KCNIP4: variants seen among roughly 807,000 people sequenced by gnomAD.
The protein encoded by KCNIP4 is Kv channel-interacting protein 4.
Under a neutral mutation model 34.0 loss-of-function variants are expected in KCNIP4, and 12 were observed. That is an observed-to-expected ratio of 0.35 (90% CI 0.23 to 0.57). The LOEUF (loss-of-function observed/expected upper bound fraction) is 0.57, where lower values mean the gene tolerates loss of function less well. Ranked by LOEUF, KCNIP4 falls within the 20% of genes least tolerant of loss-of-function variation. KCNIP4 has a pLI of 0.83. For synonymous variants in KCNIP4, 124 were observed against 102.2 expected (o/e 1.21, Z -1.29); for missense variants, 238 against 311.7 (o/e 0.76, Z 1.78).
intron 1 of KCNIP4, among the ~76,000 whole-genome samples, chr4:21,237,232 A>G (rs540220395): frequency 6.6e-6 from 1 of 152,194 alleles, no homozygotes; most frequent in African/African-American, 2.4e-5. Flanking sequence ...TGATGTGCTA[A>G]GGTGCTGGAG....
intron 1 of KCNIP4, among the ~76,000 whole-genome samples, chr4:21,337,723 C>T (rs1716318636): frequency 1.3e-5 from 2 of 152,106 alleles, no homozygotes; most frequent in African/African-American, 4.8e-5. Context: ...TAATGTACCT[C>T]ATTTTGAATA....
At chr4:21,028,291 A>G (rs1256725922) in intron 1 of KCNIP4, among the ~76,000 whole-genome samples, 1 of 152,108 alleles carries the variant, frequency 6.6e-6, no homozygotes, top group Non-Finnish European at 1.5e-5. Flanking sequence ...TCTATTTTCA[A>G]AGAAGTAGAG....
intron 1 of KCNIP4, among the ~76,000 whole-genome samples, chr4:21,067,406 C>G (rs1050462431): frequency 1.6e-4 from 25 of 152,048 alleles, no homozygotes; most frequent in Admixed American, 1.1e-3. Flanking sequence ...TGTCTTGCAG[C>G]TTAGGTATCA....
chr4:21,940,304 C>A (rs1730131149), intron 1 of KCNIP4, among the ~76,000 whole-genome samples: 1 of 152,104 alleles, frequency 6.6e-6, no homozygotes, highest in Non-Finnish European at 1.5e-5. Context: ...TTCTATAGGT[C>A]CCCAAAGAGT....
At chr4:21,432,317 C>T (rs564833378) in intron 1 of KCNIP4, among the ~76,000 whole-genome samples, 48 of 151,180 alleles carry the variant, frequency 3.2e-4, no homozygotes, top group Middle Eastern at 3.4e-3. Context: ...CCCAAGAGCC[C>T]GATAAACATT....
chr4:21,330,503 C>A (rs1318256529), intron 1 of KCNIP4, among the ~76,000 whole-genome samples: 1 of 152,112 alleles, frequency 6.6e-6, no homozygotes, highest in South Asian at 2.1e-4. Flanking sequence ...CATACAAAAA[C>A]AAACTGGATA....
chr4:20,845,199 T>G (rs1027939670), intron 3 of KCNIP4, among the ~76,000 whole-genome samples: 58 of 152,138 alleles, frequency 3.8e-4, no homozygotes, highest in African/African-American at 1.4e-3. Context: ...GTGACCCACA[T>G]GTACACATCC....
At chr4:20,906,265 A>G (rs1015999350) in intron 1 of KCNIP4, among the ~76,000 whole-genome samples, 1 of 152,076 alleles carries the variant, frequency 6.6e-6, no homozygotes, top group Non-Finnish European at 1.5e-5. Flanking sequence ...GCTGTTGGCT[A>G]GTGAAACATG....
At chr4:20,829,253 G>A (rs1718135199) in intron 3 of KCNIP4, among the ~76,000 whole-genome samples, 1 of 151,868 alleles carries the variant, frequency 6.6e-6, no homozygotes, top group South Asian at 2.1e-4. Flanking sequence ...TGTCGCCCAG[G>A]CTGGAGTGCA....
In KCNIP4 at chr4:21,637,554, G is replaced by A. The variant is rs559292665; in HGVS notation, c.61+311017C>T. Reference sequence around the variant, plus strand: ...TCCCAGCACTTTGGGAGACTGAGGCGGGTGGATGGCTTGCGGATAGGCATT... The same window carrying A: ...TCCCAGCACTTTGGGAGACTGAGGCAGGTGGATGGCTTGCGGATAGGCATT... On this transcript the variant is annotated intron_variant, in intron 1 of 8. Coordinates refer to ENST00000382152, the MANE Select transcript of KCNIP4 (RefSeq NM_025221.6). 1.2e-4 allele frequency among the ~76,000 whole-genome samples: 18 copies of A among 152,022 alleles called. 1 individual carries two copies. In the South Asian group the frequency reaches 3.1e-3, roughly 26 times the overall value.
chr4:21,262,159 G>T (rs369182005), intron 1 of KCNIP4, among the ~76,000 whole-genome samples: 394 of 151,444 alleles, frequency 2.6e-3, no homozygotes, highest in African/African-American at 8.7e-3. Flanking sequence ...TATTTTTTTT[G>T]AAAACCTTTT....
At chr4:21,157,030 G>C (rs10015791) in intron 1 of KCNIP4, among the ~76,000 whole-genome samples, 5,123 of 152,178 alleles carry the variant, frequency 0.034, 269 homozygotes, top group African/African-American at 0.12. Context: ...AAGTATGAAG[G>C]CTGAGTAATC....
At chr4:21,551,933 T>A (rs138829627) in intron 1 of KCNIP4, among the ~76,000 whole-genome samples, 1 of 151,814 alleles carries the variant, frequency 6.6e-6, no homozygotes, top group East Asian at 1.9e-4. Flanking sequence ...TCCAAGCAAG[T>A]TTTTCCCCAG....
chr4:21,793,673 T>G (rs541450863), intron 1 of KCNIP4, among the ~76,000 whole-genome samples: 1 of 152,316 alleles, frequency 6.6e-6, no homozygotes, highest in East Asian at 1.9e-4. Flanking sequence ...TCCTTTTATG[T>G]GAAAATATTT....
intron 4 of KCNIP4, among the ~76,000 whole-genome samples, chr4:20,757,119 C>G (rs985126947): frequency 1.3e-5 from 2 of 152,080 alleles, no homozygotes; most frequent in Non-Finnish European, 2.9e-5. Flanking sequence ...TAAAGAGTCA[C>G]CTGGTGTCCA....
intron 1 of KCNIP4, among the ~76,000 whole-genome samples, chr4:21,217,987 G>GTA (rs1757710967): frequency 1.4e-5 from 2 of 145,396 alleles, no homozygotes; most frequent in African/African-American, 5.0e-5. Flanking sequence ...CCCCTGTATA[G>GTA]TTTTTTTTTT....
intron 1 of KCNIP4, among the ~76,000 whole-genome samples, chr4:21,576,916 T>A (rs1740780670): frequency 6.6e-6 from 1 of 152,202 alleles, no homozygotes; most frequent in African/African-American, 2.4e-5. Flanking sequence ...TATCATATAA[T>A]GACACTCATA....
chr4:21,400,561 TTCTCTTC>T (rs1430748218), intron 1 of KCNIP4, among the ~76,000 whole-genome samples: 3 of 117,316 alleles, frequency 2.6e-5, no homozygotes, highest in African/African-American at 5.8e-5. Context: ...TTCTCTTCTC[TTCTCTTC>T]TCTTCTCTTC....
chr4:21,132,536 G>C (rs1471472789), intron 1 of KCNIP4, among the ~76,000 whole-genome samples: 1 of 152,078 alleles, frequency 6.6e-6, no homozygotes, highest in Non-Finnish European at 1.5e-5. Flanking sequence ...AGGTGTCTTG[G>C]TTTTGAAAAT....
Sources: gnomAD v4.1 joint callset for allele counts (sites outside exome capture counted in the v4.1 genomes callset) on GRCh38, gnomAD v4.1.1 for gene constraint, MANE v1.5 for transcripts, NCBI Gene and HGNC (gene_info 2026-07-23, HGNC 2026-07-21) for gene names.